The following RUNX1T1 variants were observed in gnomAD, a reference collection of about 807,000 sequenced individuals.
RUNX1T1 encodes the protein RUNX1 partner transcriptional co-repressor 1, also known as protein CBFA2T1.
A neutral mutation model predicts 62.8 loss-of-function variants in RUNX1T1; 4 were observed. The ratio of observed to expected loss-of-function variants is 0.06; its 90% CI spans 0.03 to 0.15. The LOEUF is 0.15. Ranked by LOEUF, RUNX1T1 falls within the 10% of genes least tolerant of loss-of-function variation. The pLI is 1.00. For missense variants in RUNX1T1, 508 were observed against 754.3 expected (o/e 0.67, Z 3.82); for synonymous variants, 291 against 286.0 (o/e 1.02, Z -0.18).
intron 5 of RUNX1T1, among the ~76,000 whole-genome samples, chr8:91,996,203 T>C (rs1196418756): frequency 1.3e-5 from 2 of 152,138 alleles, no homozygotes; most frequent in South Asian, 2.1e-4. Flanking sequence ...TTTTTTATTT[T>C]TATTTTTACT....
chr8:91,966,043 C>T (rs1196254435), intron 10 of RUNX1T1, among the ~76,000 whole-genome samples: 1 of 151,246 alleles, frequency 6.6e-6, no homozygotes, highest in East Asian at 1.9e-4. Flanking sequence ...AACCAAAGGT[C>T]AATCCTAGCC....
chr8:92,100,424 CTG>C (rs1040629395), upstream of RUNX1T1, among the ~76,000 whole-genome samples: 2 of 152,048 alleles, frequency 1.3e-5, no homozygotes, highest in Non-Finnish European at 2.9e-5. Flanking sequence ...TTATTAATGA[CTG>C]AACAAAAATA....
At chr8:92,036,307 G>A (rs1056959405) in intron 1 of RUNX1T1, among the ~76,000 whole-genome samples, 1 of 152,156 alleles carries the variant, frequency 6.6e-6, no homozygotes, top group African/African-American at 2.4e-5. Flanking sequence ...AATTATGAAA[G>A]CAATAAATGT....
At chr8:92,095,520 C>T in intron 1 of RUNX1T1, 5 of 1,501,824 alleles carry the variant, frequency 3.3e-6, no homozygotes, top group South Asian at 1.3e-5. Context: ...AGCCAACGTG[C>T]ATCAGGGTGA....
At chr8:91,974,671 C>A (rs1177883650) in intron 9 of RUNX1T1, among the ~76,000 whole-genome samples, 9 of 152,112 alleles carry the variant, frequency 5.9e-5, no homozygotes. Flanking sequence ...TACTACATGA[C>A]TATTACAGTA....
At chr8:92,009,644 C>T (rs1185411448) in intron 4 of RUNX1T1, 1 of 148,426 alleles carries the variant, frequency 6.7e-6, no homozygotes, top group Admixed American at 6.8e-5. Context: ...GGTATTTGCA[C>T]AGGAAATGGC....
chr8:92,022,268 C>G (rs753051026), intron 1 of RUNX1T1, among the ~76,000 whole-genome samples: 2 of 152,056 alleles, frequency 1.3e-5, no homozygotes, highest in Middle Eastern at 3.2e-3. Context: ...CAAACACACA[C>G]CATCAACAGT....
intron 5 of RUNX1T1, among the ~76,000 whole-genome samples, chr8:91,998,052 G>A (rs917363554): frequency 2.0e-5 from 3 of 151,994 alleles, no homozygotes; most frequent in East Asian, 1.9e-4. Flanking sequence ...TTTCTAACAC[G>A]TGCAGTTTGT....
intron 1 of RUNX1T1, among the ~76,000 whole-genome samples, chr8:92,038,959 C>A (rs554189020): frequency 1.3e-5 from 2 of 152,138 alleles, no homozygotes; most frequent in South Asian, 4.2e-4. Flanking sequence ...AAAATTAACA[C>A]CCCTCCCCTT....
intron 9 of RUNX1T1, among the ~76,000 whole-genome samples, chr8:91,972,801 G>T (rs1425257694): frequency 1.3e-5 from 2 of 152,046 alleles, no homozygotes; most frequent in Admixed American, 6.6e-5. Context: ...TTTGCAAGGT[G>T]CTTGAATATT....
chr8:92,000,301 A>C (rs1819519386), intron 5 of RUNX1T1, among the ~76,000 whole-genome samples: 1 of 151,910 alleles, frequency 6.6e-6, no homozygotes, highest in South Asian at 2.1e-4. Flanking sequence ...ACTTCATCTC[A>C]AAAAAAATAA....
At chr8:91,971,838 A>C (rs1812902505) in intron 9 of RUNX1T1, among the ~76,000 whole-genome samples, 2 of 152,178 alleles carry the variant, frequency 1.3e-5, no homozygotes, top group Admixed American at 6.5e-5. Context: ...AGATTCAACT[A>C]ATGTACAACA....
chr8:91,973,108 T>C (rs574351249), intron 9 of RUNX1T1, among the ~76,000 whole-genome samples: 1 of 152,026 alleles, frequency 6.6e-6, no homozygotes, highest in Non-Finnish European at 1.5e-5. Flanking sequence ...AATAATAGTC[T>C]TCTATCAGTG....
At chr8:91,964,050 AG>A (rs1811081907) in intron 10 of RUNX1T1, among the ~76,000 whole-genome samples, 1 of 152,188 alleles carries the variant, frequency 6.6e-6, no homozygotes, top group East Asian at 1.9e-4. Context: ...GACCAAAGTT[AG>A]GTTGTGACTC....
intron 1 of RUNX1T1, among the ~76,000 whole-genome samples, chr8:92,086,614 C>G (rs1836159737): frequency 6.6e-6 from 1 of 152,178 alleles, no homozygotes. Context: ...CAAATGGATT[C>G]TGAAGCTCTT....
rs77446687 is a variant in RUNX1T1, at chr8:92,011,933, G to A, written c.388-842C>T. ...GAGTAAATTAACCCTCATTTCATTC[G>A]TTTTCTTTAGTTTCTCAGGCAGGAT... On this transcript the variant is annotated intron_variant, in intron 3 of 10. Coordinates refer to ENST00000396218, the Ensembl canonical transcript of RUNX1T1. Among the ~76,000 whole-genome samples the A allele has an allele frequency of 7.6e-4, 115 of 152,178 alleles. No homozygotes were observed. The East Asian group carries it at 0.015, about 19-fold the overall frequency.
chr8:92,075,213 ACT>A (rs925548734), intron 2 of RUNX1T1, among the ~76,000 whole-genome samples: 6 of 152,068 alleles, frequency 3.9e-5, no homozygotes, highest in Admixed American at 3.9e-4. Context: ...ATTTGTGTTG[ACT>A]CTCAACTTTT....
intron 1 of RUNX1T1, among the ~76,000 whole-genome samples, chr8:92,076,590 A>C (rs1159808309): frequency 6.6e-6 from 1 of 152,132 alleles, no homozygotes; most frequent in South Asian, 2.1e-4. Flanking sequence ...TTCATTATTC[A>C]AATTTTGTTT....
intron 1 of RUNX1T1, chr8:92,094,984 C>T (rs1400595692): frequency 1.5e-5 from 22 of 1,463,198 alleles, no homozygotes; most frequent in Non-Finnish European, 2.0e-5. Flanking sequence ...TTCAGACTGG[C>T]AAAACTAAAC....
Sources: allele counts gnomAD v4.1 joint callset (sites outside exome capture counted in the v4.1 genomes callset), GRCh38; gene constraint gnomAD v4.1.1; transcripts MANE v1.5; gene names NCBI Gene and HGNC (gene_info 2026-07-23, HGNC 2026-07-21).